Variants in NHSL1 observed in about 807,000 individuals in gnomAD.
The protein encoded by NHSL1 is NHS like 1.
In NHSL1, 48 loss-of-function variants were observed where a neutral mutation model predicts 95.0. That is an observed-to-expected ratio of 0.51 (90% CI 0.40 to 0.64). The LOEUF is 0.64. Ranked by LOEUF, NHSL1 falls within the 30% of genes least tolerant of loss-of-function variation. NHSL1 has a pLI of 0.00. For synonymous variants in NHSL1, 783 were observed against 833.9 expected (o/e 0.94, Z 1.05); for missense variants, 1,971 against 2,077.7 (o/e 0.95, Z 1.00).
chr6:138,433,148 C>T lies in NHSL1; in HGVS notation c.1197G>A (p.Ala399=), dbSNP rs200271083. The T allele has an allele frequency of 3.1e-4, 479 of 1,551,124 alleles. 1 individual carries two copies. Among genetic ancestry groups the T allele is most frequent in the South Asian group, 3.9e-4 (33 of 84,050 alleles). ...AGGTTGCATGAGGAGAAACCACACA[C>T]GCTGGGCTCATTATATTTTCACTCT... ...HFESENIMSP[A]CVVSPHATYS... is the part of the protein sequence containing the mutation. The change falls in exon 6 of 8, where the codon GCG becomes GCA. Residue 399 remains alanine (A), a synonymous_variant. Coordinates refer to ENST00000343505, the MANE Select transcript of NHSL1 (RefSeq NM_001144060.2).
intron 1 of NHSL1, among the ~76,000 whole-genome samples, chr6:138,567,771 A>T (rs1783674222): frequency 6.6e-6 from 1 of 152,166 alleles, no homozygotes; most frequent in Non-Finnish European, 1.5e-5. Flanking sequence ...AAGGGAGGAC[A>T]CTGACATTCA....
chr6:138,571,606 A>G, intron 1 of NHSL1: 5 of 1,036,802 alleles, frequency 4.8e-6, no homozygotes, highest in Non-Finnish European at 6.9e-6. Flanking sequence ...ATTTCAAAAG[A>G]AACTCCTAAT....
intron 2 of NHSL1, among the ~76,000 whole-genome samples, chr6:138,484,665 G>A (rs1779617584): frequency 6.6e-6 from 1 of 152,118 alleles, no homozygotes; most frequent in African/African-American, 2.4e-5. Flanking sequence ...TTATGTAGAA[G>A]GGTTAAAAAT....
intron 7 of NHSL1, among the ~76,000 whole-genome samples, chr6:138,426,046 CAAAG>C (rs758088322): frequency 2.2e-4 from 34 of 152,174 alleles, no homozygotes; most frequent in Non-Finnish European, 4.1e-4. Flanking sequence ...TTGCCAGTGA[CAAAG>C]AGATGATAAA....
chr6:138,440,474 G>A (rs1459310981), intron 5 of NHSL1, among the ~76,000 whole-genome samples: 6 of 152,194 alleles, frequency 3.9e-5, no homozygotes, highest in Non-Finnish European at 7.3e-5. Context: ...CACGGGAGCT[G>A]CTGCAGTCTT....
chr6:138,590,998 C>T (rs537941431), intron 1 of NHSL1, among the ~76,000 whole-genome samples: 1 of 152,276 alleles, frequency 6.6e-6, no homozygotes, highest in South Asian at 2.1e-4. Context: ...TTCAGCAGGC[C>T]TGTGTATTGA....
At chr6:138,556,407 A>G (rs948743475) in intron 1 of NHSL1, among the ~76,000 whole-genome samples, 2 of 152,086 alleles carry the variant, frequency 1.3e-5, no homozygotes, top group Admixed American at 6.5e-5. Flanking sequence ...TGTTATTGTC[A>G]TTGTCATTGT....
In NHSL1 at chr6:138,581,897, C is replaced by CTTTT. The variant is rs370719757; in HGVS notation, c.97-85530_97-85527dup. 3.8e-4 allele frequency among the ~76,000 whole-genome samples: 47 copies of CTTTT among 124,290 alleles called. No individual in the cohort carries two copies. The East Asian group carries it at 6.6e-3, about 18-fold the overall frequency. The allele number at this position is 124,290 out of a possible 152,430, so 81.5% of individuals were successfully genotyped here. On this transcript the variant is annotated intron_variant, in intron 1 of 3. Coordinates refer to the NHSL1 transcript ENST00000491526. ...GATTTTGAGGTTCTACTTTTTCTTT[C>CTTTT]TTTTTTTTTTTTTTTTTTGAGTCAG...
At chr6:138,583,306 A>G (rs142991414) in intron 1 of NHSL1, among the ~76,000 whole-genome samples, 1 of 152,312 alleles carries the variant, frequency 6.6e-6, no homozygotes, top group Admixed American at 6.5e-5. Flanking sequence ...TCATGTGCCT[A>G]AGCCCAGCAT....
At chr6:138,545,560 T>C (rs1782757984) in intron 1 of NHSL1, 1 of 1,148,446 alleles carries the variant, frequency 8.7e-7, no homozygotes, top group African/African-American at 1.6e-5. Context: ...TAGACTCTGA[T>C]GCTAAATGAC....
At chr6:138,506,223 A>G (rs1360245054) in intron 1 of NHSL1, among the ~76,000 whole-genome samples, 1 of 152,238 alleles carries the variant, frequency 6.6e-6, no homozygotes, top group Non-Finnish European at 1.5e-5. Context: ...CCTGTTTATT[A>G]AGGAACAAAA....
chr6:138,672,663 A>G (rs577316973), intron 1 of NHSL1, among the ~76,000 whole-genome samples: 6 of 152,334 alleles, frequency 3.9e-5, no homozygotes, highest in East Asian at 1.9e-4. Context: ...CCATATTTCA[A>G]TTTCAAATAC....
chr6:138,458,527 T>C (rs1341159390), intron 3 of NHSL1, among the ~76,000 whole-genome samples: 1 of 151,986 alleles, frequency 6.6e-6, no homozygotes, highest in Non-Finnish European at 1.5e-5. Flanking sequence ...ACCCCATCTC[T>C]ACTAAAAGTA....
chr6:138,496,479 A>G, intron 1 of NHSL1, 108 bp from the exon 2 acceptor site: 1 of 1,111,072 alleles, frequency 9.0e-7, no homozygotes, highest in Non-Finnish European at 1.3e-6. Flanking sequence ...AAGGGCCAGC[A>G]AGGGAGCAAT....
upstream of NHSL1, among the ~76,000 whole-genome samples, chr6:138,575,972 T>C (rs1339129746): frequency 7.1e-6 from 1 of 141,812 alleles, no homozygotes; most frequent in African/African-American, 2.5e-5. Flanking sequence ...TTTATTTATT[T>C]ATTTATTTAT....
At chr6:138,502,782 A>C (rs1265225517), upstream of NHSL1, among the ~76,000 whole-genome samples, 1 of 152,248 alleles carries the variant, frequency 6.6e-6, no homozygotes, top group Non-Finnish European at 1.5e-5. Flanking sequence ...CGGGATAACA[A>C]CAGTGTTTAT....
chr6:138,447,608 A>C (rs1776947719), intron 3 of NHSL1, among the ~76,000 whole-genome samples: 1 of 152,088 alleles, frequency 6.6e-6, no homozygotes, highest in Admixed American at 6.5e-5. Flanking sequence ...CCCCATCTCT[A>C]CTAAAAATAA....
At chr6:138,615,169 C>A (rs1023648358) in intron 1 of NHSL1, among the ~76,000 whole-genome samples, 1 of 152,180 alleles carries the variant, frequency 6.6e-6, no homozygotes. Context: ...CAGGTCAGTG[C>A]CATCCATCCG....
upstream of NHSL1, among the ~76,000 whole-genome samples, chr6:138,576,132 C>T (rs1304181713): frequency 6.6e-6 from 1 of 152,140 alleles, no homozygotes; most frequent in Non-Finnish European, 1.5e-5. Context: ...GCTGGAACTA[C>T]AGGCGCGCAT....
Sources: allele counts gnomAD v4.1 joint callset (sites outside exome capture counted in the v4.1 genomes callset), GRCh38; gene constraint gnomAD v4.1.1; transcripts MANE v1.5; gene names NCBI Gene and HGNC (gene_info 2026-07-23, HGNC 2026-07-21).